The following RAD51B variants were observed in gnomAD, a reference collection of about 807,000 sequenced individuals.
RAD51B encodes RAD51 paralog B, also known as DNA repair protein RAD51 homolog 2.
RAD51B carries 38 observed loss-of-function variants against 42.2 expected under a neutral mutation model. The ratio of observed to expected loss-of-function variants is 0.90; its 90% CI spans 0.70 to 1.18. The LOEUF is 1.18. Ranked by LOEUF, RAD51B falls within the 50% of genes most tolerant of loss-of-function variation. The probability of loss-of-function intolerance (pLI) is 0.00; values close to 1 mark genes in which losing one functional copy is unlikely to be tolerated. For synonymous variants in RAD51B, 154 were observed against 145.2 expected (o/e 1.06, Z -0.43); for missense variants, 373 against 400.7 (o/e 0.93, Z 0.59).
chr14:67,894,126 G>A (rs1176951122), intron 7 of RAD51B, among the ~76,000 whole-genome samples: 1 of 152,160 alleles, frequency 6.6e-6, no homozygotes, highest in Admixed American at 6.5e-5. Context: ...TGACTCATAG[G>A]GCTGTGAGTA....
chr14:68,030,013 G>T (rs998131257), intron 7 of RAD51B, among the ~76,000 whole-genome samples: 1 of 152,176 alleles, frequency 6.6e-6, no homozygotes. Flanking sequence ...TTTCTTCTGA[G>T]CAGTAAGTCT....
chr14:67,973,258 G>A (rs1042634543), intron 7 of RAD51B, among the ~76,000 whole-genome samples: 1 of 152,084 alleles, frequency 6.6e-6, no homozygotes. Flanking sequence ...TAGGTAAATA[G>A]TGTGCAAAGT....
At chr14:68,388,940 C>T (rs895790929) in intron 8 of RAD51B, among the ~76,000 whole-genome samples, 1 of 152,100 alleles carries the variant, frequency 6.6e-6, no homozygotes, top group Non-Finnish European at 1.5e-5. Context: ...AGTCGGGAGC[C>T]TTCAATGATG....
At chr14:68,495,158 G>A (rs1884408108) in intron 10 of RAD51B, among the ~76,000 whole-genome samples, 1 of 152,178 alleles carries the variant, frequency 6.6e-6, no homozygotes, top group Non-Finnish European at 1.5e-5. Context: ...AGATGAATCA[G>A]CATCTGTTCA....
rs1179512016 is a variant in RAD51B, at chr14:68,060,142, T to C, written c.756+172938T>C. Among the ~76,000 whole-genome samples, 3 of 152,160 alleles carry C rather than the reference T, an allele frequency of 2.0e-5. No homozygotes were observed. The East Asian group carries it at 5.8e-4, about 29-fold the overall frequency. The stretch of plus-strand genomic sequence containing the variant: ...CGAACCTTTTTCCTTGTCTTTAAAA[T>C]GAGGTGACTGGAGTAGGTCAGTGTT... On this transcript the variant is annotated intron_variant, in intron 7 of 10. Coordinates refer to ENST00000471583, the MANE Select transcript of RAD51B (RefSeq NM_133510.4).
intron 10 of RAD51B, among the ~76,000 whole-genome samples, chr14:68,601,963 A>G (rs1891236669): frequency 1.3e-5 from 2 of 152,086 alleles, no homozygotes; most frequent in Admixed American, 6.5e-5. Context: ...ATGGGCCTGG[A>G]TTCCAGGTCT....
At chr14:68,486,057 C>T (rs1317446002) in intron 10 of RAD51B, among the ~76,000 whole-genome samples, 2 of 152,200 alleles carry the variant, frequency 1.3e-5, no homozygotes, top group Non-Finnish European at 2.9e-5. Context: ...AAACCCAAAC[C>T]AAATGTATTC....
chr14:68,405,409 A>G (rs1192259650), intron 8 of RAD51B, among the ~76,000 whole-genome samples: 1 of 152,196 alleles, frequency 6.6e-6, no homozygotes, highest in Admixed American at 6.5e-5. Context: ...ATACTACTGC[A>G]TTCCAGCCTG....
At chr14:68,654,523 C>T (rs942452805) in intron 11 of RAD51B, among the ~76,000 whole-genome samples, 4 of 152,212 alleles carry the variant, frequency 2.6e-5, no homozygotes, top group African/African-American at 9.6e-5. Context: ...GGCCCTGAGC[C>T]TCAGTTTCTC....
chr14:68,027,660 C>A (rs998874492), intron 7 of RAD51B, among the ~76,000 whole-genome samples: 1 of 152,014 alleles, frequency 6.6e-6, no homozygotes, highest in African/African-American at 2.4e-5. Flanking sequence ...TTATGAAATT[C>A]TTGTAGTGAA....
chr14:67,972,655 A>G (rs1322805766), intron 7 of RAD51B, among the ~76,000 whole-genome samples: 2 of 152,108 alleles, frequency 1.3e-5, no homozygotes, highest in Admixed American at 6.6e-5. Flanking sequence ...TATCAAGTTG[A>G]TATACAGTCC....
intron 8 of RAD51B, among the ~76,000 whole-genome samples, chr14:68,328,932 A>G (rs1415777848): frequency 6.6e-6 from 1 of 152,164 alleles, no homozygotes; most frequent in East Asian, 1.9e-4. Flanking sequence ...AAGTTCAGCT[A>G]CCTTGGTCAT....
rs1042448967 is a variant in RAD51B, at chr14:68,477,944, T to C, written c.*280T>C. 58 of 1,220,862 alleles carry C rather than the reference T, an allele frequency of 4.8e-5. No individual in the cohort carries two copies. The African/African-American group carries it at 7.9e-4, about 17-fold the overall frequency. The allele number at this position is 1,220,862 out of a possible 1,614,324, so 75.6% of individuals were successfully genotyped here. A position where few individuals can be genotyped will look rare whatever the true frequency, so the allele number is the denominator to read the frequency against. ...AACAGCCATAATAATAATTTGCACT[T>C]ATATAGCACCTTTCAACCAGGCACC... On this transcript the variant is annotated 3_prime_UTR_variant, in exon 11 of 11. Coordinates refer to ENST00000471583, the MANE Select transcript of RAD51B (RefSeq NM_133510.4).
At chr14:68,568,043 A>C (rs552056180) in intron 10 of RAD51B, among the ~76,000 whole-genome samples, 11 of 152,352 alleles carry the variant, frequency 7.2e-5, no homozygotes, top group African/African-American at 2.6e-4. Context: ...CCTGAAAAAG[A>C]AACAATTATT....
chr14:68,108,991 A>G (rs1366972619), intron 7 of RAD51B, among the ~76,000 whole-genome samples: 1 of 151,932 alleles, frequency 6.6e-6, no homozygotes, highest in Non-Finnish European at 1.5e-5. Context: ...AGCTAGACTT[A>G]TTATATACAG....
intron 7 of RAD51B, among the ~76,000 whole-genome samples, chr14:67,935,016 A>C (rs552264295): frequency 3.0e-4 from 45 of 152,300 alleles, no homozygotes; most frequent in African/African-American, 1.1e-3. Flanking sequence ...GTGTTTCTCC[A>C]CAGTGATGAA....
intron 8 of RAD51B, among the ~76,000 whole-genome samples, chr14:68,356,284 A>T (rs957307222): frequency 6.6e-6 from 1 of 151,998 alleles, no homozygotes; most frequent in African/African-American, 2.4e-5. Flanking sequence ...AATACAAAAA[A>T]ATTAGCCGGG....
At chr14:67,967,897 T>C (rs2074815749) in intron 7 of RAD51B, among the ~76,000 whole-genome samples, 1 of 152,154 alleles carries the variant, frequency 6.6e-6, no homozygotes. Flanking sequence ...TCCAAACCCA[T>C]ATTTCCCTTC....
chr14:67,944,502 G>A (rs368694551), intron 7 of RAD51B, among the ~76,000 whole-genome samples: 3 of 152,018 alleles, frequency 2.0e-5, no homozygotes, highest in East Asian at 3.9e-4. Flanking sequence ...TGACTATAAT[G>A]TCATATTTTA....
Sources: allele counts gnomAD v4.1 joint callset (sites outside exome capture counted in the v4.1 genomes callset), GRCh38; gene constraint gnomAD v4.1.1; transcripts MANE v1.5; gene names NCBI Gene and HGNC (gene_info 2026-07-23, HGNC 2026-07-21).